Variants in FGGY observed in about 807,000 individuals in gnomAD.
The protein encoded by FGGY is FGGY carbohydrate kinase domain containing.
FGGY carries 72 observed loss-of-function variants against 71.3 expected under a neutral mutation model. The observed-to-expected ratio is 1.01, with a 90% CI of 0.84 to 1.23. The LOEUF (loss-of-function observed/expected upper bound fraction) is 1.23, where lower values mean the gene tolerates loss of function less well. Ranked by LOEUF, FGGY falls within the 50% of genes most tolerant of loss-of-function variation. The pLI, the probability that FGGY is intolerant of heterozygous loss-of-function variation, is 0.00. For missense variants in FGGY, 668 were observed against 682.3 expected (o/e 0.98, Z 0.23); for synonymous variants, 251 against 250.3 (o/e 1.00, Z -0.02).
chr1:59,732,052 C>T (rs1186268842), intron 14 of FGGY, among the ~76,000 whole-genome samples: 1 of 152,210 alleles, frequency 6.6e-6, no homozygotes, highest in Non-Finnish European at 1.5e-5. Flanking sequence ...CCAGTCCCGT[C>T]ATCATCCAGT....
At chr1:59,667,570 C>G (rs1225642585) in intron 13 of FGGY, among the ~76,000 whole-genome samples, 167 bp downstream of exon 13, 1 of 152,146 alleles carries the variant, frequency 6.6e-6, no homozygotes. Flanking sequence ...TCTATGACGT[C>G]TTTATATGCA....
intron 14 of FGGY, among the ~76,000 whole-genome samples, chr1:59,753,190 G>T (rs1015260925): frequency 6.6e-6 from 1 of 151,972 alleles, no homozygotes; most frequent in Non-Finnish European, 1.5e-5. Flanking sequence ...TATTGTGGGG[G>T]TGACTATATT....
In FGGY at chr1:59,648,694, T is replaced by C. The variant is rs1386786625; in HGVS notation, c.1221+10319T>C. Among the ~76,000 whole-genome samples, 145 of 150,774 alleles carry C rather than the reference T, an allele frequency of 9.6e-4. 1 individual carries two copies. Among genetic ancestry groups the C allele is most frequent in the African/African-American group, 3.4e-3 (136 of 40,112 alleles). ...GTTGCGAAAATTTTCACCCATTTTG[T>C]AGGTTGCCTGTTCAGTCTGATGGTA... On this transcript the variant is annotated intron_variant, in intron 11 of 15. Coordinates refer to ENST00000303721, the MANE Select transcript of FGGY (RefSeq NM_018291.5).
chr1:59,639,210 C>T (rs375838899), intron 11 of FGGY, among the ~76,000 whole-genome samples: 140 of 152,276 alleles, frequency 9.2e-4, no homozygotes, highest in African/African-American at 3.3e-3. Context: ...AAGGAAGCCG[C>T]GTAACAGTGG....
chr1:59,455,987 T>C (rs529356193), intron 5 of FGGY, among the ~76,000 whole-genome samples: 1 of 152,226 alleles, frequency 6.6e-6, no homozygotes, highest in Non-Finnish European at 1.5e-5. Flanking sequence ...AGCGTTCAAG[T>C]CTTCCTCCTA....
At chr1:59,404,611 T>C (rs625167) in intron 5 of FGGY, among the ~76,000 whole-genome samples, 64,044 of 151,856 alleles carry the variant, frequency 0.42, 15,025 homozygotes, top group African/African-American at 0.63. Context: ...GGAGCATGGA[T>C]TGCAGCAGGG....
intron 7 of FGGY, among the ~76,000 whole-genome samples, chr1:59,546,212 A>T (rs2095516800): frequency 6.6e-6 from 1 of 152,318 alleles, no homozygotes; most frequent in African/African-American, 2.4e-5. Context: ...GCCACATTCT[A>T]TCATCATTCC....
chr1:59,361,810 G>A (rs1360163699), intron 4 of FGGY, among the ~76,000 whole-genome samples: 1 of 152,172 alleles, frequency 6.6e-6, no homozygotes, highest in Non-Finnish European at 1.5e-5. Context: ...AGACAGAGCA[G>A]CTCTCCTCAT....
chr1:59,387,866 A>G (rs1346654354), intron 5 of FGGY, among the ~76,000 whole-genome samples: 3 of 152,140 alleles, frequency 2.0e-5, no homozygotes, highest in African/African-American at 7.2e-5. Context: ...CATCATTATC[A>G]CACTTAAGGC....
chr1:59,550,996 A>G (rs1303006583), intron 7 of FGGY, among the ~76,000 whole-genome samples: 1 of 152,192 alleles, frequency 6.6e-6, no homozygotes, highest in Non-Finnish European at 1.5e-5. Flanking sequence ...GAGAACATTC[A>G]AGGAGCTCAG....
At chr1:59,568,372 G>T (rs2095913001) in intron 8 of FGGY, among the ~76,000 whole-genome samples, 1 of 144,252 alleles carries the variant, frequency 6.9e-6, no homozygotes, top group South Asian at 2.1e-4. Context: ...ATCTCCCTCT[G>T]CCTGTTGAGT....
At chr1:59,596,835 A>G (rs34823092) in intron 8 of FGGY, among the ~76,000 whole-genome samples, 24,479 of 152,158 alleles carry the variant, frequency 0.16, 2,398 homozygotes, top group South Asian at 0.35. Flanking sequence ...CATATCAGGC[A>G]GCTAGGGAAT....
chr1:59,467,380 G>T (rs2092698638), intron 6 of FGGY, among the ~76,000 whole-genome samples: 1 of 151,840 alleles, frequency 6.6e-6, no homozygotes, highest in Non-Finnish European at 1.5e-5. Flanking sequence ...GATAGCATTA[G>T]AATAAATATC....
intron 1 of FGGY, among the ~76,000 whole-genome samples, chr1:59,308,891 CT>C (rs1321531823): frequency 6.6e-6 from 1 of 152,206 alleles, no homozygotes; most frequent in East Asian, 1.9e-4. Context: ...TAGCAGCTTT[CT>C]TTTTTTCTCA....
At chr1:59,664,147 T>C (rs2097302567) in intron 12 of FGGY, among the ~76,000 whole-genome samples, 1 of 152,244 alleles carries the variant, frequency 6.6e-6, no homozygotes, top group Non-Finnish European at 1.5e-5. Context: ...GCATTTGAAG[T>C]CTCTTGATTT....
chr1:59,628,589 A>G lies in FGGY; in HGVS notation c.1073+2540A>G, dbSNP rs1486458732. Among the ~76,000 whole-genome samples, 4 of 152,176 alleles carry G rather than the reference A, an allele frequency of 2.6e-5. 1 individual carries two copies. The South Asian group carries it at 6.2e-4, about 24-fold the overall frequency. On this transcript the variant is annotated intron_variant, in intron 10 of 15. Transcript: ENST00000303721. Reference sequence around the variant, plus strand: ...TTTCTTAGGTGATGAGTAAAAGGGAACTCTGTGTATTATTTTTGTAACTTT... The same window carrying G: ...TTTCTTAGGTGATGAGTAAAAGGGAGCTCTGTGTATTATTTTTGTAACTTT...
At chr1:59,367,346 T>G (rs2056765509) in intron 4 of FGGY, among the ~76,000 whole-genome samples, 1 of 152,236 alleles carries the variant, frequency 6.6e-6, no homozygotes, top group African/African-American at 2.4e-5. Context: ...CGTCTCTTCC[T>G]GAAACTCTTT....
intron 5 of FGGY, among the ~76,000 whole-genome samples, chr1:59,397,559 A>G (rs1047287274): frequency 1.3e-5 from 2 of 151,848 alleles, no homozygotes; most frequent in Non-Finnish European, 2.9e-5. Flanking sequence ...ACTATACTGG[A>G]TGTAGGAAGA....
At chr1:59,404,859 TGTTCAGGA>T (rs1460155902) in intron 5 of FGGY, among the ~76,000 whole-genome samples, 1 of 152,100 alleles carries the variant, frequency 6.6e-6, no homozygotes, top group Non-Finnish European at 1.5e-5. Context: ...ACCGAGGTGG[TGTTCAGGA>T]CAGGTCTTCT....
Sources: allele counts gnomAD v4.1 joint callset (sites outside exome capture counted in the v4.1 genomes callset), GRCh38; gene constraint gnomAD v4.1.1; transcripts MANE v1.5; gene names NCBI Gene and HGNC (gene_info 2026-07-23, HGNC 2026-07-21).